The following ARHGAP12 variants were observed in gnomAD, a reference collection of about 807,000 sequenced individuals.
ARHGAP12 encodes the protein rho GTPase-activating protein 12.
ARHGAP12 carries 64 observed loss-of-function variants against 108.6 expected under a neutral mutation model. The ratio of observed to expected loss-of-function variants is 0.59; its 90% CI spans 0.48 to 0.73. The LOEUF (loss-of-function observed/expected upper bound fraction) is 0.73. Ranked by LOEUF, ARHGAP12 falls within the 30% of genes least tolerant of loss-of-function variation. The pLI is 0.00. For synonymous variants in ARHGAP12, 312 were observed against 337.2 expected, an observed-to-expected ratio of 0.93 and a Z score of 0.82; for missense variants, 940 against 1,005.9, an observed-to-expected ratio of 0.93 and a Z score of 0.89.
chr10:31,854,317 T>G, intron 4 of ARHGAP12, 111 bp from the exon 5 acceptor site: 1 of 893,826 alleles, frequency 1.1e-6, no homozygotes, highest in Non-Finnish European at 1.6e-6. Flanking sequence ...ATATCTTAAA[T>G]ATATCTGAAT....
Position 31,814,297 on chromosome 10 carries a change from T to C in ARHGAP12, c.1796A>G (p.Asp599Gly), listed in dbSNP as rs955104961. Residue 599 changes from aspartate (D) to glycine (G), a missense_variant, in exon 14 of 20, where the codon GAT (aspartate) becomes GGT (glycine). By Grantham distance (94) the Asp-to-Gly change is moderately conservative (BLOSUM62 -1). Transcript: ENST00000344936. Reference protein sequence around the residue: ...IPDSPGIEKHDKEKEQKDPKK... With the variant: ...IPDSPGIEKHGKEKEQKDPKK... ...GGGATCCTTTTGTTCCTTTTCTTTA[T>C]CATGCTTTTCTATTCCTGGTGAATC... 2.5e-6 allele frequency: 4 copies of C among 1,614,014 alleles called. No homozygotes were observed. The African/African-American group carries it at 4.0e-5, about 16-fold the overall frequency.
Position 31,908,888 on chromosome 10 carries a change from T to A in ARHGAP12, c.-33A>T. ...TATTCACCTCTCAAAAAGGATGTTA[T>A]ACCACATTATGGCTTTATGGCTTGT... On this transcript the variant is annotated 5_prime_UTR_variant, in exon 3 of 20. Transcript: ENST00000344936. 6.5e-7 allele frequency: 1 copy of A among 1,529,512 alleles called. No homozygotes were observed. Among genetic ancestry groups the A allele is most frequent in the South Asian group, 1.3e-5 (1 of 79,940 alleles). 94.7% of individuals were successfully genotyped at this position (1,529,512 alleles called of 1,614,324 possible).
At position 31,855,086 on chromosome 10, in the gene ARHGAP12, C is replaced by T. The variant is rs1382475646; in HGVS notation, c.949-880G>A. Among the ~76,000 whole-genome samples the T allele has an allele frequency of 3.4e-3, 238 of 69,374 alleles. 1 individual carries two copies. Among genetic ancestry groups the T allele is most frequent in the African/African-American group, 0.014 (223 of 16,314 alleles). The allele number at this position is 69,374 out of a possible 152,430, so 45.5% of individuals were successfully genotyped here. On this transcript the variant is annotated intron_variant, in intron 4 of 19. Transcript: ENST00000344936. Reference sequence around the variant, plus strand: ...GGGGAAGGGGGAGGAAAGGAGGGGGCGAAAAGGAGGGGAGGGGAGGGGAGG... The same window carrying T: ...GGGGAAGGGGGAGGAAAGGAGGGGGTGAAAAGGAGGGGAGGGGAGGGGAGG...
rs1351386912 is a variant in ARHGAP12, at chr10:31,831,744, CT to C, written c.1442del (p.Lys481ArgfsTer65). 6 of 1,575,912 alleles carry C rather than the reference CT, an allele frequency of 3.8e-6. No individual in the cohort carries two copies. The highest frequency in any genetic ancestry group is 1.1e-5 in the South Asian group (1 of 89,028). ...TTAAAGACTTGTGTACTTACCGAAC[CT>C]TTTTCCCATTTTCAGCAATTTTTGT... ...NVTKIAENGK[K>X]VRKNWLSSWA... On this transcript the variant is annotated frameshift_variant, in exon 10 of 20. Transcript: ENST00000344936. LOFTEE classifies it high-confidence loss of function.
At chr10:31,830,451 A>G (rs1835791915) in intron 10 of ARHGAP12, among the ~76,000 whole-genome samples, 2 of 152,188 alleles carry the variant, frequency 1.3e-5, no homozygotes, top group Admixed American at 1.3e-4. Flanking sequence ...AGCTATCTGC[A>G]CTACATATTC....
chr10:31,862,250 A>C (rs1837143753), intron 3 of ARHGAP12, among the ~76,000 whole-genome samples: 1 of 152,210 alleles, frequency 6.6e-6, no homozygotes, highest in African/African-American at 2.4e-5. Context: ...TCTCAGGTAT[A>C]ATTTCTCAGA....
chr10:31,806,567 T>C lies in ARHGAP12; in HGVS notation c.*1091A>G, dbSNP rs962546236. 2 of 152,620 alleles carry C rather than the reference T, an allele frequency of 1.3e-5. No homozygotes were observed. The highest frequency in any genetic ancestry group is 2.4e-5 in the African/African-American group (1 of 41,456). 9.5% of individuals were successfully genotyped at this position (152,620 alleles called of 1,614,324 possible). A position where few individuals can be genotyped will look rare whatever the true frequency, so the allele number is the denominator to read the frequency against. On this transcript the variant is annotated 3_prime_UTR_variant, in exon 20 of 20. Coordinates refer to ENST00000344936, the MANE Select transcript of ARHGAP12 (RefSeq NM_018287.7). ...AATTAGAATTCTGTAATAAATTTTT[T>C]CTAATGTTTTCTGTACATATTAAAT...
At chr10:31,825,375 C>T (rs938964408) in intron 11 of ARHGAP12, among the ~76,000 whole-genome samples, 3 of 152,006 alleles carry the variant, frequency 2.0e-5, no homozygotes, top group Admixed American at 6.5e-5. Context: ...ATATTGGTTA[C>T]GGTAGAATAT....
At chr10:31,874,260 T>G (rs1227630051) in intron 3 of ARHGAP12, among the ~76,000 whole-genome samples, 1 of 152,230 alleles carries the variant, frequency 6.6e-6, no homozygotes, top group African/African-American at 2.4e-5. Flanking sequence ...TCTCATCTTC[T>G]GATAACTGAA....
At chr10:31,827,518 G>A (rs528488805) in intron 10 of ARHGAP12, among the ~76,000 whole-genome samples, 19 of 152,306 alleles carry the variant, frequency 1.2e-4, no homozygotes, top group African/African-American at 4.3e-4. Flanking sequence ...TAGGCCGGGT[G>A]CGGTGGCTCA....
intron 3 of ARHGAP12, among the ~76,000 whole-genome samples, chr10:31,896,308 G>GAA (rs758692591): frequency 2.1e-5 from 2 of 94,794 alleles, no homozygotes; most frequent in Admixed American, 1.2e-4. Context: ...TTTTTACTTT[G>GAA]AAAAAAAAAA....
chr10:31,809,870 G>A (rs77664514), intron 16 of ARHGAP12, among the ~76,000 whole-genome samples: 76 of 152,004 alleles, frequency 5.0e-4, no homozygotes, highest in African/African-American at 1.6e-3. Flanking sequence ...ATTAAGCCCC[G>A]AAATTTCAGG....
intron 19 of ARHGAP12, among the ~76,000 whole-genome samples, chr10:31,808,259 A>G (rs1053879110): frequency 4.0e-5 from 6 of 151,376 alleles, no homozygotes; most frequent in African/African-American, 7.3e-5. Context: ...TTTTTGTTTT[A>G]GTATTCTAGT....
chr10:31,846,240 T>C (rs1836457536), intron 6 of ARHGAP12, among the ~76,000 whole-genome samples: 1 of 152,214 alleles, frequency 6.6e-6, no homozygotes, highest in South Asian at 2.1e-4. Flanking sequence ...AATGTTATAA[T>C]TTTTGTTTCA....
chr10:31,868,646 T>C (rs950354346), intron 3 of ARHGAP12, among the ~76,000 whole-genome samples: 1 of 152,048 alleles, frequency 6.6e-6, no homozygotes, highest in African/African-American at 2.4e-5. Flanking sequence ...CAAGAATTTA[T>C]ATTTTAGGGC....
intron 3 of ARHGAP12, among the ~76,000 whole-genome samples, chr10:31,882,539 G>A (rs1341438257): frequency 6.6e-6 from 1 of 152,142 alleles, no homozygotes; most frequent in Admixed American, 6.5e-5. Flanking sequence ...ACTAGGCTGG[G>A]TGCAGAGGCT....
intron 3 of ARHGAP12, among the ~76,000 whole-genome samples, chr10:31,870,068 G>GA (rs982741466): frequency 2.2e-4 from 33 of 151,970 alleles, no homozygotes; most frequent in African/African-American, 7.7e-4. Flanking sequence ...TAGACTTATG[G>GA]AAAAAAACAT....
chr10:31,809,796 C>G (rs1021950246), intron 16 of ARHGAP12: 2 of 152,286 alleles, frequency 1.3e-5, no homozygotes, highest in African/African-American at 4.8e-5. Flanking sequence ...AAAAACAATA[C>G]ATAATTTGCT....
intron 1 of ARHGAP12, among the ~76,000 whole-genome samples, chr10:31,926,262 T>G (rs556180966): frequency 6.6e-6 from 1 of 151,466 alleles, no homozygotes; most frequent in African/African-American, 2.4e-5. Context: ...GTCCATGAAG[T>G]CAATGAAAGT....
Sources: gnomAD v4.1 joint callset for allele counts (sites outside exome capture counted in the v4.1 genomes callset) on GRCh38, gnomAD v4.1.1 for gene constraint, MANE v1.5 for transcripts, NCBI Gene and HGNC (gene_info 2026-07-23, HGNC 2026-07-21) for gene names.